RDH13: variants seen among roughly 807,000 people sequenced by gnomAD.
RDH13 encodes retinol dehydrogenase 13, also known as retinol dehydrogenase 13 (all-trans and 9-cis).
RDH13 carries 35 observed loss-of-function variants against 28.3 expected under a neutral mutation model. The ratio of observed to expected loss-of-function variants is 1.24; its 90% CI spans 0.95 to 1.64. RDH13 has a LOEUF of 1.64. RDH13 is among the 40% of genes most tolerant of loss of function. The pLI is 0.00. For missense variants in RDH13, 514 were observed against 446.3 expected (o/e 1.15, Z -1.37); for synonymous variants, 229 against 198.5 (o/e 1.15, Z -1.29).
rs1299065823 is a variant in RDH13 at position 55,048,661 on chromosome 19, A to G, written c.443T>C (p.Leu148Pro). 1 of 1,613,648 alleles carries G rather than the reference A, an allele frequency of 6.2e-7. No homozygotes were observed. The highest frequency in any genetic ancestry group is 1.7e-5 in the Admixed American group (1 of 59,880). ...TGCAGCCCCTGCCCAGGCCTCACCC[A>G]GGTGGTTAACGCCAAACTGCATCTC... Reference protein sequence around the residue: ...GFEMQFGVNHLGHFLLTNLLL... With the variant: ...GFEMQFGVNHPGHFLLTNLLL... The change falls in exon 4 of 7, where the codon CTG becomes CCG. Residue 148 changes from leucine (L) to proline (P), a missense_variant and splice_region_variant. Transcript: ENST00000415061.
chr19:55,054,735 A>T (rs1201660577), intron 3 of RDH13, among the ~76,000 whole-genome samples: 1 of 147,626 alleles, frequency 6.8e-6, no homozygotes, highest in East Asian at 2.0e-4. Context: ...TGCCCGGCTA[A>T]TTTTTTTTTT....
Position 55,047,449 on chromosome 19 carries a change from G to A in RDH13, c.698C>T (p.Ala233Val), listed in dbSNP as rs2075274886. The A allele has an allele frequency of 1.2e-6, 2 of 1,610,404 alleles. No homozygotes were observed. The highest frequency in any genetic ancestry group is 1.7e-6 in the Non-Finnish European group (2 of 1,179,956). ...CGTGTGTCTGCCCAGCTCTGTCCTG[G>A]CCACGCCGGGGTGCAGGGCGTTGAC... is the stretch of plus-strand genomic sequence containing the variant. ...VTVNALHPGV[A>V]RTELGRHTGI... is the part of the protein sequence containing the mutation. The change falls in exon 6 of 7, where the codon GCC becomes GTC. Residue 233 changes from alanine to valine, a missense_variant. Coordinates refer to ENST00000415061, the MANE Select transcript of RDH13 (RefSeq NM_001145971.2).
chr19:55,065,540 G>A (rs1272715550), upstream of RDH13, among the ~76,000 whole-genome samples: 1 of 151,480 alleles, frequency 6.6e-6, no homozygotes, highest in Non-Finnish European at 1.5e-5. Flanking sequence ...CCAGGACAGA[G>A]ATCAGCAAAC....
chr19:55,059,471 G>A (rs905958958), intron 1 of RDH13, among the ~76,000 whole-genome samples, 196 bp from the exon 2 acceptor site: 2 of 151,842 alleles, frequency 1.3e-5, no homozygotes, highest in Admixed American at 6.6e-5. Flanking sequence ...CGTGTGGAAC[G>A]CCTTCAGCAA....
At chr19:55,068,058 T>C (rs1323377893), upstream of RDH13, among the ~76,000 whole-genome samples, 3 of 141,314 alleles carry the variant, frequency 2.1e-5, no homozygotes, top group Non-Finnish European at 3.1e-5. Context: ...TCTCTCTTTC[T>C]CCCCCATCTC....
chr19:55,052,799 T>C (rs564251097), intron 3 of RDH13, among the ~76,000 whole-genome samples: 21 of 151,980 alleles, frequency 1.4e-4, no homozygotes, highest in African/African-American at 5.1e-4. Flanking sequence ...GTAGCTGGGT[T>C]ACAGGTGCCC....
In RDH13 at chr19:55,059,178, C is replaced by G; in HGVS notation, c.163G>C (p.Ala55Pro). ...GANTGIGKQT[A>P]LELARRGGNI... ...TTACCTCTCCTGGCCAGTTCCAAGG[C>G]GGTCTGCTTCCCGATGCCTGTGTTG... Residue 55 changes from alanine to proline, a missense_variant, in exon 2 of 7, where the codon GCC becomes CCC. Coordinates refer to ENST00000415061, the MANE Select transcript of RDH13 (RefSeq NM_001145971.2). The G allele has an allele frequency of 6.3e-7, 1 of 1,597,098 alleles. No individual in the cohort carries two copies.
chr19:55,046,595 T>TC (rs995448734), intron 6 of RDH13: 12 of 150,836 alleles, frequency 8.0e-5, no homozygotes, highest in Non-Finnish European at 1.8e-4. Context: ...AATCACCCAC[T>TC]CCATGTTTTT....
At chr19:55,048,112 A>T (rs146678400) in intron 5 of RDH13, 3 of 1,527,674 alleles carry the variant, frequency 2.0e-6, no homozygotes, top group Non-Finnish European at 2.6e-6. Flanking sequence ...ATCCAGGCAG[A>T]CTAGACCACC....
At chr19:55,057,596 A>ATTTTTTAT (rs1447166859) in intron 2 of RDH13, among the ~76,000 whole-genome samples, 66 of 151,404 alleles carry the variant, frequency 4.4e-4, no homozygotes, top group African/African-American at 7.5e-4. Context: ...CAACTAGCTA[A>ATTTTTTAT]TTTTTTATTT....
Position 55,044,980 on chromosome 19 carries a change from T to G in RDH13, c.*94A>C, listed in dbSNP as rs909045455. 9.3e-6 allele frequency: 9 copies of G among 968,972 alleles called. No individual in the cohort carries two copies. Among genetic ancestry groups the G allele is most frequent in the Non-Finnish European group, 1.4e-5 (9 of 651,478 alleles). The allele number at this position is 968,972 out of a possible 1,614,324, so 60.0% of individuals were successfully genotyped here. ...GCATGGCGGCCGCCAGTCCTGGGTC[T>G]CCCGGCTCAGGTAGTGCCAGGAAGC... On this transcript the variant is annotated 3_prime_UTR_variant, in exon 7 of 7. Coordinates refer to ENST00000415061, the MANE Select transcript of RDH13 (RefSeq NM_001145971.2).
chr19:55,056,979 G>A (rs972618496), intron 2 of RDH13, among the ~76,000 whole-genome samples, 171 bp from the exon 3 acceptor site: 1 of 152,130 alleles, frequency 6.6e-6, no homozygotes, highest in African/African-American at 2.4e-5. Flanking sequence ...GTGGATGAAG[G>A]GACAACAAAA....
Position 55,056,730 on chromosome 19 carries a change from T to C in RDH13, c.263A>G (p.Asn88Ser), listed in dbSNP as rs2075648174. ...CAGGTGCCGGGCGTTGACATGGTGA[T>C]TGAGGGTCTCCCCGCGGATGTCCTT... is the stretch of plus-strand genomic sequence containing the variant. ...AAKDIRGETLNHHVNARHLDL... is the reference protein window; with the variant it reads ...AAKDIRGETLSHHVNARHLDL... Residue 88 changes from asparagine to serine, a missense_variant, in exon 3 of 7, where the codon AAT (asparagine) becomes AGT (serine). Asn to Ser is a conservative substitution (Grantham distance 46, BLOSUM62 1). Transcript: ENST00000415061. The C allele has an allele frequency of 1.9e-6, 3 of 1,614,092 alleles. 1 individual carries two copies.
chr19:55,045,802 T>C (rs183132535), intron 6 of RDH13, among the ~76,000 whole-genome samples: 3 of 150,154 alleles, frequency 2.0e-5, no homozygotes, highest in Admixed American at 2.0e-4. Context: ...AAAAATTAAC[T>C]GGGTGTGGTG....
At chr19:55,048,855 G>A in intron 3 of RDH13, 92 bp from the exon 4 acceptor site, 2 of 1,131,726 alleles carry the variant, frequency 1.8e-6, no homozygotes, top group South Asian at 1.3e-5. Context: ...CCCACAACCT[G>A]TGAATGTGGC....
upstream of RDH13, among the ~76,000 whole-genome samples, chr19:55,064,700 C>T (rs2075916702): frequency 6.6e-6 from 1 of 150,780 alleles, no homozygotes; most frequent in Admixed American, 6.6e-5. Flanking sequence ...GCAACCTCTG[C>T]CTCCTAGGTT....
intron 3 of RDH13, among the ~76,000 whole-genome samples, chr19:55,049,692 G>A (rs888968781): frequency 6.6e-6 from 1 of 151,992 alleles, no homozygotes; most frequent in African/African-American, 2.4e-5. Context: ...AGGAGGCTGA[G>A]GCGGGAAAAT....
At chr19:55,042,388 T>C (rs1176884277), downstream of RDH13, 2 of 152,124 alleles carry the variant, frequency 1.3e-5, no homozygotes, top group African/African-American at 4.8e-5. Flanking sequence ...GGTGCCCCCT[T>C]GGTTCAAGCA....
At chr19:55,055,917 CCAAGGGAAGCAGAT>C (rs1393816989) in intron 3 of RDH13, among the ~76,000 whole-genome samples, 2 of 151,870 alleles carry the variant, frequency 1.3e-5, no homozygotes, top group East Asian at 3.9e-4. Flanking sequence ...CTTTGGGAGG[CCAAGGGAAGCAGAT>C]CACCTGAGGT....
Sources: allele counts gnomAD v4.1 joint callset (sites outside exome capture counted in the v4.1 genomes callset), GRCh38; gene constraint gnomAD v4.1.1; transcripts MANE v1.5; gene names NCBI Gene and HGNC (gene_info 2026-07-23, HGNC 2026-07-21).